MLLT3: variants seen among roughly 807,000 people sequenced by gnomAD.
MLLT3 encodes protein AF-9.
A neutral mutation model predicts 53.2 loss-of-function variants in MLLT3; 4 were observed. That is an observed-to-expected ratio of 0.08 (90% confidence interval 0.04 to 0.17). The LOEUF is 0.17. Among genes scored for constraint, MLLT3 ranks in the 10% least tolerant of loss-of-function variants. The probability of loss-of-function intolerance (pLI) is 1.00; values close to 1 mark genes in which losing one functional copy is unlikely to be tolerated. For missense variants in MLLT3, 569 were observed against 684.0 expected, an observed-to-expected ratio of 0.83 and a Z score of 1.87; for synonymous variants, 283 against 230.6, an observed-to-expected ratio of 1.23 and a Z score of -2.06.
intron 2 of MLLT3, among the ~76,000 whole-genome samples, chr9:20,539,557 T>G (rs1818571196): frequency 6.6e-6 from 1 of 152,076 alleles, no homozygotes; most frequent in African/African-American, 2.4e-5. Context: ...TGCCACACTT[T>G]TAAACCATCA....
At chr9:20,594,406 C>A (rs752826726) in intron 2 of MLLT3, among the ~76,000 whole-genome samples, 4 of 152,092 alleles carry the variant, frequency 2.6e-5, no homozygotes, top group Admixed American at 6.5e-5. Flanking sequence ...CTCTATTCAG[C>A]CTGAAGAAGT....
chr9:20,561,068 C>T (rs1819196792), intron 2 of MLLT3, among the ~76,000 whole-genome samples: 1 of 152,118 alleles, frequency 6.6e-6, no homozygotes, highest in Non-Finnish European at 1.5e-5. Context: ...GAACATGTAT[C>T]TACTTTATTT....
chr9:20,357,388 T>C (rs1172099363), intron 8 of MLLT3, among the ~76,000 whole-genome samples: 1 of 152,232 alleles, frequency 6.6e-6, no homozygotes, highest in Non-Finnish European at 1.5e-5. Context: ...ACCTATTAAA[T>C]TGTACTGAGA....
At chr9:20,535,814 C>G (rs1818467934) in intron 2 of MLLT3, among the ~76,000 whole-genome samples, 1 of 152,108 alleles carries the variant, frequency 6.6e-6, no homozygotes, top group African/African-American at 2.4e-5. Flanking sequence ...CTGTTTGATA[C>G]CGGCAAGTGT....
chr9:20,567,806 A>C (rs1282547728), intron 2 of MLLT3, among the ~76,000 whole-genome samples: 2 of 152,152 alleles, frequency 1.3e-5, no homozygotes, highest in Non-Finnish European at 2.9e-5. Flanking sequence ...ATACACTAAC[A>C]CTTGGCTTCT....
chr9:20,567,404 G>A (rs1305489762), intron 2 of MLLT3, among the ~76,000 whole-genome samples: 1 of 149,994 alleles, frequency 6.7e-6, no homozygotes, highest in Non-Finnish European at 1.5e-5. Flanking sequence ...AAGGTTATTA[G>A]CCTTGCTGTT....
intron 2 of MLLT3, among the ~76,000 whole-genome samples, chr9:20,519,394 T>G (rs2118976397): frequency 6.6e-6 from 1 of 152,290 alleles, no homozygotes; most frequent in East Asian, 1.9e-4. Context: ...GACAAAAAGT[T>G]TTTTATTTAT....
intron 2 of MLLT3, among the ~76,000 whole-genome samples, chr9:20,483,055 G>C (rs76638064): frequency 4.5e-4 from 68 of 151,542 alleles, no homozygotes; most frequent in African/African-American, 1.5e-3. Flanking sequence ...GGCTTCTCCA[G>C]GTGAAAAAAA....
chr9:20,542,320 G>A (rs541576072), intron 2 of MLLT3, among the ~76,000 whole-genome samples: 18 of 147,138 alleles, frequency 1.2e-4, no homozygotes, highest in African/African-American at 1.8e-4. Flanking sequence ...GCGCAATCTC[G>A]GCTCACTGAA....
rs960503933 is a variant in MLLT3 at position 20,587,765 on chromosome 9, A to C, written c.193+32889T>G. Reference sequence around the variant, plus strand: ...AGCCCTTTGTCAGATGAGTAGGTTGAGAAAATTTTCTCCCATTTTGTAGGT... The same window carrying C: ...AGCCCTTTGTCAGATGAGTAGGTTGCGAAAATTTTCTCCCATTTTGTAGGT... On this transcript the variant is annotated intron_variant, in intron 2 of 10. Coordinates refer to ENST00000380338, the MANE Select transcript of MLLT3 (RefSeq NM_004529.4). 3.3e-5 allele frequency among the ~76,000 whole-genome samples: 5 copies of C among 151,254 alleles called. No individual in the cohort carries two copies. The East Asian group carries it at 5.9e-4, about 18-fold the overall frequency.
chr9:20,510,985 G>A (rs1211345088), intron 2 of MLLT3, among the ~76,000 whole-genome samples: 2 of 152,092 alleles, frequency 1.3e-5, no homozygotes, highest in African/African-American at 4.8e-5. Context: ...ATATTATGCA[G>A]CCATTAAAAA....
chr9:20,558,963 C>T (rs963408814), intron 2 of MLLT3, among the ~76,000 whole-genome samples: 10 of 152,154 alleles, frequency 6.6e-5, no homozygotes, highest in Non-Finnish European at 1.2e-4. Flanking sequence ...GTCTGAATCA[C>T]CCTGACGGCT....
intron 5 of MLLT3, among the ~76,000 whole-genome samples, chr9:20,387,368 T>C (rs917741367): frequency 2.0e-5 from 3 of 152,270 alleles, no homozygotes; most frequent in African/African-American, 7.2e-5. Context: ...TTAAAGATGT[T>C]AGGGATTTGG....
intron 2 of MLLT3, among the ~76,000 whole-genome samples, chr9:20,480,148 T>C (rs1197803861): frequency 2.0e-5 from 3 of 152,240 alleles, no homozygotes; most frequent in Non-Finnish European, 4.4e-5. Context: ...AAAGCAGGTT[T>C]AAGGCAAAGA....
intron 2 of MLLT3, among the ~76,000 whole-genome samples, chr9:20,583,696 G>T (rs1819866857): frequency 6.6e-6 from 1 of 152,160 alleles, no homozygotes; most frequent in African/African-American, 2.4e-5. Flanking sequence ...CAAGATGTAC[G>T]TTGTTCCCTT....
chr9:20,571,878 A>C (rs938398384), intron 2 of MLLT3, among the ~76,000 whole-genome samples: 1 of 152,114 alleles, frequency 6.6e-6, no homozygotes, highest in Non-Finnish European at 1.5e-5. Flanking sequence ...AAAGATAACA[A>C]GTATTGGCAA....
chr9:20,514,024 G>A (rs961184933), intron 2 of MLLT3, among the ~76,000 whole-genome samples: 7 of 152,160 alleles, frequency 4.6e-5, no homozygotes, highest in African/African-American at 1.7e-4. Context: ...AGGGGTAGTA[G>A]GGAAAGACAC....
intron 2 of MLLT3, among the ~76,000 whole-genome samples, chr9:20,584,877 T>C (rs564276575): frequency 4.6e-5 from 7 of 152,320 alleles, no homozygotes; most frequent in African/African-American, 9.6e-5. Flanking sequence ...CAGTATTCCA[T>C]TGTGTGGATG....
intron 2 of MLLT3, among the ~76,000 whole-genome samples, chr9:20,596,713 A>T (rs916145327): frequency 4.6e-5 from 7 of 152,182 alleles, no homozygotes; most frequent in African/African-American, 1.7e-4. Context: ...AATAAATAAA[A>T]TAAAATAATA....
Sources: gnomAD v4.1 joint callset for allele counts (sites outside exome capture counted in the v4.1 genomes callset) on GRCh38, gnomAD v4.1.1 for gene constraint, MANE v1.5 for transcripts, NCBI Gene and HGNC (gene_info 2026-07-23, HGNC 2026-07-21) for gene names.